The following AP5Z1 variants were observed in gnomAD, a reference collection of about 807,000 sequenced individuals.
The protein encoded by AP5Z1 is adaptor related protein complex 5 subunit zeta 1, also known as AP-5 complex subunit zeta-1.
A neutral mutation model predicts 83.0 loss-of-function variants in AP5Z1; 106 were observed. That is an observed-to-expected ratio of 1.28 (90% CI 1.09 to 1.50). AP5Z1 has a LOEUF of 1.50. Among genes scored for constraint, AP5Z1 ranks in the 40% most tolerant of loss-of-function variants. AP5Z1 has a pLI of 0.00. For missense variants in AP5Z1, 1,565 were observed against 1,094.2 expected (o/e 1.43, Z -6.07); for synonymous variants, 751 against 514.1 (o/e 1.46, Z -6.23).
chr7:4,790,830 CCGTGCTGATGACCA>C lies in AP5Z1; in HGVS notation c.2099_2112del (p.Val700AlafsTer58), dbSNP rs1302606178. The C allele has an allele frequency of 6.2e-7, 1 of 1,609,250 alleles. No individual in the cohort carries two copies. Among genetic ancestry groups the C allele is most frequent in the East Asian group, 2.2e-5 (1 of 44,816 alleles). ...CCCAGGTGTCCCCCCCAGGTGGTCACCGTGCTGATGACCACGCTGACGAAGCTGGCCTCCCGGAG... is the reference window on the plus strand; with the variant it reads ...CCCAGGTGTCCCCCCCAGGTGGTCACCGCTGACGAAGCTGGCCTCCCGGAG... On this transcript the variant is annotated frameshift_variant, in exon 16 of 17. Coordinates refer to ENST00000649063, the MANE Select transcript of AP5Z1 (RefSeq NM_014855.3). LOFTEE classifies it high-confidence loss of function.
In AP5Z1 at chr7:4,776,166, A is replaced by C. The variant is rs539011592; in HGVS notation, c.41+410A>C. ...AATAAGGCTGTGTGCCAGGCTGGGG[A>C]GCTGGAGGCCATCCGAGGGCTTTGC... On this transcript the variant is annotated intron_variant, in intron 1 of 16. Coordinates refer to ENST00000649063, the MANE Select transcript of AP5Z1 (RefSeq NM_014855.3). Among the ~76,000 whole-genome samples, 11 of 151,458 alleles carry C rather than the reference A, an allele frequency of 7.3e-5. 1 individual carries two copies. Among genetic ancestry groups the C allele is most frequent in the African/African-American group, 2.7e-4 (11 of 40,892 alleles).
intron 14 of AP5Z1, 121 bp from the exon 15 acceptor site, chr7:4,790,338 C>A: frequency 6.4e-7 from 1 of 1,559,210 alleles, no homozygotes; most frequent in Non-Finnish European, 8.7e-7. Context: ...GTTCCTCTAT[C>A]GGAGGGTGCA....
At position 4,783,715 on chromosome 7, in the gene AP5Z1, C is replaced by T. The variant is rs762118310; in HGVS notation, c.538C>T (p.Leu180=). The T allele has an allele frequency of 6.4e-7, 1 of 1,550,592 alleles. No individual in the cohort carries two copies. Among genetic ancestry groups the T allele is most frequent in the South Asian group, 1.2e-5 (1 of 84,070 alleles). Residue 180 remains leucine (L), a synonymous_variant, in exon 5 of 17, where the codon CTG becomes TTG. Transcript: ENST00000649063. ...CCAGGCCACCCTGCTCAGCAAGCGG[C>T]TGGTCGACTGGCTGCGCTACGCCAG... is the stretch of plus-strand genomic sequence containing the variant. ...EDQATLLSKR[L]VDWLRYASLQ...
At chr7:4,787,446 A>G in intron 10 of AP5Z1, 188 bp from the exon 11 acceptor site, 2 of 802,538 alleles carry the variant, frequency 2.5e-6, no homozygotes, top group East Asian at 5.8e-5. Context: ...TGATTGCACC[A>G]CTGCACTCCA....
chr7:4,789,986 CCCCTCT>C (rs1423900811), intron 14 of AP5Z1, 57 bp downstream of exon 14: 1 of 985,714 alleles, frequency 1.0e-6, no homozygotes, highest in African/African-American at 1.9e-5. Flanking sequence ...TGGACTCCTC[CCCCTCT>C]CCCCTCCCCC....
chr7:4,784,247 C>T lies in AP5Z1; in HGVS notation c.666C>T (p.Phe222=), dbSNP rs1011767351. ...TGGACGGGGCGGTAGCCACAGACTTCTTCACGGTGCTCTCCAGCGGCCACC... is the reference window on the plus strand; with the variant it reads ...TGGACGGGGCGGTAGCCACAGACTTTTTCACGGTGCTCTCCAGCGGCCACC... ...TEVDGAVATD[F]FTVLSSGHRF... The change falls in exon 6 of 17, where the codon TTC becomes TTT. Residue 222 remains phenylalanine, a synonymous_variant. Coordinates refer to ENST00000649063, the MANE Select transcript of AP5Z1 (RefSeq NM_014855.3). 1.9e-6 allele frequency: 3 copies of T among 1,589,836 alleles called. No individual in the cohort carries two copies. Among genetic ancestry groups the T allele is most frequent in the Admixed American group, 1.8e-5 (1 of 57,100 alleles).
chr7:4,788,914 C>A lies in AP5Z1; in HGVS notation c.1670C>A (p.Pro557His), dbSNP rs1781650664. 1.2e-6 allele frequency: 2 copies of A among 1,611,470 alleles called. No homozygotes were observed. The highest frequency in any genetic ancestry group is 1.7e-6 in the Non-Finnish European group (2 of 1,179,496). The change falls in exon 13 of 17, where the codon CCC (proline) becomes CAC (histidine). Residue 557 changes from proline to histidine, a missense_variant. Pro to His is a moderately conservative substitution (Grantham distance 77). Transcript: ENST00000649063. ...ARVAQCAQAV[P>H]TLLQAFFSAV... Reference sequence around the variant, plus strand: ...GTGGCCCAGTGTGCCCAGGCCGTGCCCACGCTGCTGCAGGCATTCTTCTCA... The same window carrying A: ...GTGGCCCAGTGTGCCCAGGCCGTGCACACGCTGCTGCAGGCATTCTTCTCA...
In AP5Z1 at chr7:4,791,099, G is replaced by A. The variant is rs1562415433; in HGVS notation, c.2154-16G>A. 4 of 1,563,970 alleles carry A rather than the reference G, an allele frequency of 2.6e-6. No homozygotes were observed. Among genetic ancestry groups the A allele is most frequent in the Non-Finnish European group, 2.6e-6 (3 of 1,154,270 alleles). ...GGGGAGCATCTGCAGCTGACGGAGG[G>A]ACCTTCTTTCCCCAGGGCCTCTTTA... On this transcript the variant is annotated splice_polypyrimidine_tract_variant and intron_variant, in intron 16 of 16. Transcript: ENST00000649063.
chr7:4,789,932 A>G lies in AP5Z1; in HGVS notation c.1805+3A>G, dbSNP rs1489436353. 1 of 1,534,542 alleles carries G rather than the reference A, an allele frequency of 6.5e-7. No homozygotes were observed. The highest frequency in any genetic ancestry group is 8.8e-7 in the Non-Finnish European group (1 of 1,136,978). Reference sequence around the variant, plus strand: ...GGGTACGCTGCCGGTGTGCACAGGTAGGTCCCTCCTGCGCTCCTGCCACAG... The same window carrying G: ...GGGTACGCTGCCGGTGTGCACAGGTGGGTCCCTCCTGCGCTCCTGCCACAG... On this transcript the variant is annotated splice_donor_region_variant and intron_variant, in intron 14 of 16. Transcript: ENST00000649063.
intron 3 of AP5Z1, among the ~76,000 whole-genome samples, chr7:4,782,782 C>G (rs1360604554): frequency 1.3e-5 from 2 of 152,134 alleles, no homozygotes; most frequent in Non-Finnish European, 2.9e-5. Flanking sequence ...CCTCAAGCAA[C>G]TCATTTTTTT....
chr7:4,783,658 T>C, intron 4 of AP5Z1, 31 bp from the exon 5 acceptor site: 2 of 1,539,562 alleles, frequency 1.3e-6, no homozygotes, highest in Non-Finnish European at 1.8e-6. Context: ...GGATTCAACC[T>C]CACCTCCCCA....
intron 5 of AP5Z1, 28 bp from the exon 6 acceptor site, chr7:4,784,175 C>T (rs758137709): frequency 3.8e-5 from 60 of 1,560,934 alleles, no homozygotes; most frequent in Non-Finnish European, 4.8e-5. Context: ...CGGCCCCCTC[C>T]GCCCACTCCT....
chr7:4,788,679 A>C, intron 12 of AP5Z1, 161 bp from the exon 13 acceptor site: 1 of 628,210 alleles, frequency 1.6e-6, no homozygotes, highest in South Asian at 2.3e-5. Context: ...TGCTGACGCC[A>C]GGGGTCTCCC....
chr7:4,787,875 C>A, intron 11 of AP5Z1, 99 bp downstream of exon 11: 1 of 1,378,824 alleles, frequency 7.3e-7, no homozygotes, highest in South Asian at 1.4e-5. Flanking sequence ...ACCGGGGACC[C>A]TCCTTCTTCC....
Position 4,790,864 on chromosome 7 carries a change from C to T in AP5Z1, c.2130C>T (p.Ser710=). Residue 710 remains serine (S), a synonymous_variant, in exon 16 of 17, where the codon TCC becomes TCT. Transcript: ENST00000649063. ...TGACCACGCTGACGAAGCTGGCCTC[C>T]CGGAGCCAAGATCTGATCCCCAGGT... ...VLMTTLTKLA[S]RSQDLIPRAS... The T allele has an allele frequency of 8.7e-6, 14 of 1,606,082 alleles. No homozygotes were observed. The highest frequency in any genetic ancestry group is 1.2e-5 in the Non-Finnish European group (14 of 1,177,412).
rs538252989 is a variant in AP5Z1 at position 4,789,194 on chromosome 7, G to A, written c.1707+243G>A. ...GTCCCCGTCCCATCCCCTTCATCCC[G>A]GCAGGCCACGTCCCCCAATCCCCGT... On this transcript the variant is annotated intron_variant, in intron 13 of 16. Coordinates refer to ENST00000649063, the MANE Select transcript of AP5Z1 (RefSeq NM_014855.3). 4.7e-4 allele frequency among the ~76,000 whole-genome samples: 66 copies of A among 139,002 alleles called. 2 individuals carry two copies. The South Asian group carries it at 0.014, about 29-fold the overall frequency. The allele number at this position is 139,002 out of a possible 152,430, so 91.2% of individuals were successfully genotyped here.
At position 4,790,776 on chromosome 7, in the gene AP5Z1, T is replaced by G. The variant is rs768591983; in HGVS notation, c.2042T>G (p.Val681Gly). 1.2e-6 allele frequency: 2 copies of G among 1,608,848 alleles called. No homozygotes were observed. The highest frequency in any genetic ancestry group is 8.5e-7 in the Non-Finnish European group (1 of 1,178,662). ...GCCCTGGAGGCTCTGCTATTCGAGG[T>G]CACCCAGTGCCGCCCCTCTGCTGCC... ...FEALEALLFE[V>G]TQCRPSAALP... is the part of the protein sequence containing the mutation. The change falls in exon 16 of 17, where the codon GTC becomes GGC. Residue 681 changes from valine (V) to glycine (G), a missense_variant. Val to Gly is a moderately radical substitution (Grantham distance 109). Coordinates refer to ENST00000649063, the MANE Select transcript of AP5Z1 (RefSeq NM_014855.3).
intron 12 of AP5Z1, 180 bp from the exon 13 acceptor site, chr7:4,788,660 T>G (rs149688310): frequency 4.7e-5 from 27 of 577,022 alleles, no homozygotes; most frequent in Middle Eastern, 2.6e-4. Context: ...GGCTTTACTG[T>G]CCCGGGTGTG....
Position 4,785,519 on chromosome 7 carries a change from C to T in AP5Z1, c.970-3C>T, listed in dbSNP as rs760637660. 6.2e-7 allele frequency: 1 copy of T among 1,613,302 alleles called. No homozygotes were observed. The highest frequency in any genetic ancestry group is 1.1e-5 in the South Asian group (1 of 91,028). On this transcript the variant is annotated splice_polypyrimidine_tract_variant and splice_region_variant and intron_variant, in intron 8 of 16. Coordinates refer to ENST00000649063, the MANE Select transcript of AP5Z1 (RefSeq NM_014855.3). ...CCCATTTGATGTGGTCCATGTCCCGCAGTGCCTGGTGGAGGCCGTGCTGGT... is the reference window on the plus strand; with the variant it reads ...CCCATTTGATGTGGTCCATGTCCCGTAGTGCCTGGTGGAGGCCGTGCTGGT...
Sources: gnomAD v4.1 joint callset for allele counts (sites outside exome capture counted in the v4.1 genomes callset) on GRCh38, gnomAD v4.1.1 for gene constraint, MANE v1.5 for transcripts, NCBI Gene and HGNC (gene_info 2026-07-23, HGNC 2026-07-21) for gene names.